CSPG4: variants seen among roughly 807,000 people sequenced by gnomAD.
The protein encoded by CSPG4 is chondroitin sulfate proteoglycan 4.
A neutral mutation model predicts 139.3 loss-of-function variants in CSPG4; 74 were observed. The observed-to-expected ratio is 0.53, with a 90% CI of 0.44 to 0.64. The LOEUF (loss-of-function observed/expected upper bound fraction) is 0.64. Among genes scored for constraint, CSPG4 ranks in the 30% least tolerant of loss-of-function variants. The pLI, the probability that CSPG4 is intolerant of heterozygous loss-of-function variation, is 0.00. For missense variants in CSPG4, 2,565 were observed against 3,148.3 expected (o/e 0.81, Z 4.43); for synonymous variants, 1,234 against 1,394.2 (o/e 0.89, Z 2.56).
chr15:75,677,259 A>G lies in CSPG4; in HGVS notation c.5260T>C (p.Phe1754Leu). 1 of 1,497,302 alleles carries G rather than the reference A, an allele frequency of 6.7e-7. No individual in the cohort carries two copies. Among genetic ancestry groups the G allele is most frequent in the Admixed American group, 2.2e-5 (1 of 45,674 alleles). The allele number at this position is 1,497,302 out of a possible 1,614,324, so 92.8% of individuals were successfully genotyped here. A position where few individuals can be genotyped will look rare whatever the true frequency, so the allele number is the denominator to read the frequency against. Residue 1754 changes from phenylalanine (F) to leucine (L), a missense_variant, in exon 10 of 10, where the codon TTC (phenylalanine) becomes CTC (leucine). Physicochemically the swap from Phe to Leu is conservative, Grantham distance 22. Transcript: ENST00000308508. ...EHDVLFQVTQ[F>L]PSRGQLLVSE... is the part of the protein sequence containing the mutation. ...ACCAACAGCTGGCCCCGGCTGGGGA[A>G]CTGTGTGACCTGGAAGAGCACATCA...
Position 75,687,718 on chromosome 15 carries a change from G to C in CSPG4, c.3347C>G (p.Ala1116Gly), listed in dbSNP as rs757696259. Residue 1116 changes from alanine (A) to glycine (G), a missense_variant, in exon 3 of 10, where the codon GCG becomes GGG. Transcript: ENST00000308508. The surrounding 1 kb of genome is among the most constrained non-coding windows in gnomAD (Gnocchi z 5.4). ...TTCCGAGGCCTGCACCTCCAGCAGCGCAGTGGCCTGGTGTTGCCCGTCGGA... is the reference window on the plus strand; with the variant it reads ...TTCCGAGGCCTGCACCTCCAGCAGCCCAGTGGCCTGGTGTTGCCCGTCGGA... ...QVSDGQHQAT[A>G]LLEVQASEPY... The C allele has an allele frequency of 1.9e-6, 3 of 1,612,866 alleles. No homozygotes were observed. In the Admixed American group the frequency reaches 5.0e-5, roughly 27 times the overall value.
intron 2 of CSPG4, among the ~76,000 whole-genome samples, chr15:75,692,866 T>C (rs1596010520): frequency 6.6e-6 from 1 of 152,038 alleles, no homozygotes; most frequent in African/African-American, 2.4e-5. Context: ...GCGGGAAACA[T>C]GGTTGGAGGG....
rs1321913179 is a variant in CSPG4 at position 75,698,816 on chromosome 15, A to C, written c.89-5583T>G. ...CCACCCACACTGAGCTATCACCTTC[A>C]CCCAACCCTGTTACTCTGAGGGTAA... On this transcript the variant is annotated intron_variant, in intron 1 of 9. Transcript: ENST00000308508. This position sits in a 1 kb window ranked among gnomAD's most constrained non-coding sequence, Gnocchi z 4.3. Among the ~76,000 whole-genome samples, 2 of 152,086 alleles carry C rather than the reference A, an allele frequency of 1.3e-5. No homozygotes were observed. The highest frequency in any genetic ancestry group is 2.4e-5 in the African/African-American group (1 of 41,436).
chr15:75,692,801 G>A (rs1596010499), intron 2 of CSPG4, among the ~76,000 whole-genome samples: 1 of 152,214 alleles, frequency 6.6e-6, no homozygotes, highest in Admixed American at 6.5e-5. Flanking sequence ...AAGATGGCCA[G>A]GAACTGAAAG....
Position 75,688,891 on chromosome 15 carries a change from C to T in CSPG4, c.2174G>A (p.Trp725Ter), listed in dbSNP as rs1160528654. Residue 725 changes from tryptophan (W) to a stop codon, truncating the protein, a stop_gained, in exon 3 of 10, where the codon TGG (tryptophan) becomes TAG (stop). Transcript: ENST00000308508. LOFTEE classifies it high-confidence loss of function. The part of the protein sequence containing the change: ...QGAGGVEGAE[W>*]WATQAFHQRD... Reference sequence around the variant, plus strand: ...CTGGTGGAACGCCTGTGTGGCCCACCACTCAGCACCCTCCACCCCACCTGC... The same window carrying T: ...CTGGTGGAACGCCTGTGTGGCCCACTACTCAGCACCCTCCACCCCACCTGC... The T allele has an allele frequency of 6.2e-7, 1 of 1,612,248 alleles. No individual in the cohort carries two copies. Among genetic ancestry groups the T allele is most frequent in the Admixed American group, 1.7e-5 (1 of 60,018 alleles).
In CSPG4 at chr15:75,675,898, G is replaced by A. The variant is rs769102680; in HGVS notation, c.6621C>T (p.Pro2207=). Residue 2207 remains proline, a synonymous_variant, in exon 10 of 10, where the codon CCC becomes CCT. Transcript: ENST00000308508. ...EPGPMASSPE[P]AVAKGGFLSF... ...TCAGGAAGCCTCCCTTGGCCACAGC[G>A]GGCTCAGGGCTGGATGCCATGGGGC... 6.9e-6 allele frequency: 11 copies of A among 1,603,500 alleles called. No individual in the cohort carries two copies. The highest frequency in any genetic ancestry group is 2.2e-5 in the East Asian group (1 of 44,892).
In CSPG4 at chr15:75,712,735, G is replaced by C. The variant is rs1894463471; in HGVS notation, c.21C>G (p.Pro7=). 6.4e-7 allele frequency: 1 copy of C among 1,556,596 alleles called. No homozygotes were observed. Among genetic ancestry groups the C allele is most frequent in the Non-Finnish European group, 8.7e-7 (1 of 1,150,824 alleles). ...AGGCCAGGCCGGGGGCTGGAAGTGG[G>C]GGCCGCGGCCCGGACTGCATCCCGG... MQSGPR[P]PLPAPGLALA... is the part of the protein sequence containing the mutation. Residue 7 remains proline, a synonymous_variant, in exon 1 of 10, where the codon CCC becomes CCG. Transcript: ENST00000308508.
rs763174928 is a variant in CSPG4, at chr15:75,685,304, T to C, written c.4187A>G (p.Gln1396Arg). 6.3e-7 allele frequency: 1 copy of C among 1,591,798 alleles called. No individual in the cohort carries two copies. Among genetic ancestry groups the C allele is most frequent in the South Asian group, 1.1e-5 (1 of 88,950 alleles). Residue 1396 changes from glutamine to arginine, a missense_variant, in exon 4 of 10, where the codon CAG (glutamine) becomes CGG (arginine). By Grantham distance (43) the Gln-to-Arg change is conservative (BLOSUM62 1). This residue lies in a region of CSPG4 where 2,316 missense variants were observed against 2,818.2 expected (regional missense o/e 0.82). Coordinates refer to ENST00000308508, the MANE Select transcript of CSPG4 (RefSeq NM_001897.5). ...YFPTLLGLSL[Q>R]VLEPPQHGAL... is the part of the protein sequence containing the mutation. Reference sequence around the variant, plus strand: ...TCCATGCTGGGGTGGCTCCAGCACCTGCAGGCTGAGGCCCAGGAGAGTGGG... The same window carrying C: ...TCCATGCTGGGGTGGCTCCAGCACCCGCAGGCTGAGGCCCAGGAGAGTGGG...
rs766418954 is a variant in CSPG4, at chr15:75,690,463, T to C, written c.602A>G (p.Asp201Gly). The C allele has an allele frequency of 7.5e-6, 12 of 1,607,190 alleles. No individual in the cohort carries two copies. The highest frequency in any genetic ancestry group is 1.3e-5 in the African/African-American group (1 of 74,876). The change falls in exon 3 of 10, where the codon GAT (aspartate) becomes GGT (glycine). Residue 201 changes from aspartate to glycine, a missense_variant. Transcript: ENST00000308508. ...GCAEEFSASD[D>G]VALGFSGPHS... ...GGGCCCAGAGAAGCCCAGGGCCACA[T>C]CATCACTGGCAGAAAACTCTTCAGC...
chr15:75,688,810 G>T lies in CSPG4; in HGVS notation c.2255C>A (p.Ala752Asp), dbSNP rs372515114. ...RYLSTDPQHH[A>D]YDTVENLALE... ...GGCCAGGTTCTCCACGGTGTCGTAA[G>T]CGTGGTGCTGTGGGTCAGTGCTCAG... Residue 752 changes from alanine to aspartate, a missense_variant, in exon 3 of 10, where the codon GCT (alanine) becomes GAT (aspartate). Coordinates refer to ENST00000308508, the MANE Select transcript of CSPG4 (RefSeq NM_001897.5). 2 of 1,612,916 alleles carry T rather than the reference G, an allele frequency of 1.2e-6. No homozygotes were observed. Among genetic ancestry groups the T allele is most frequent in the Non-Finnish European group, 1.7e-6 (2 of 1,179,936 alleles).
chr15:75,682,150 C>A (rs1893982062), intron 8 of CSPG4, 143 bp downstream of exon 8: 1 of 1,090,662 alleles, frequency 9.2e-7, no homozygotes, highest in Non-Finnish European at 1.4e-6. Flanking sequence ...GGACAGGACA[C>A]TAGCGCCTGG....
rs1238739548 is a variant in CSPG4, at chr15:75,689,469, T to G, written c.1596A>C (p.Ser532=). 2 of 1,612,604 alleles carry G rather than the reference T, an allele frequency of 1.2e-6. No individual in the cohort carries two copies. Among genetic ancestry groups the G allele is most frequent in the South Asian group, 2.2e-5 (2 of 91,070 alleles). ...GGTATGTTTGGCCCCTCCGAAGGCA[T>G]GAGGGCATGGGCACCCGAGCCGTCA... ...VSVTARVPMP[S]CLRRGQTYLL... is the part of the protein sequence containing the mutation. Residue 532 remains serine (S), a synonymous_variant, in exon 3 of 10, where the codon TCA becomes TCC. Transcript: ENST00000308508.
intron 3 of CSPG4, among the ~76,000 whole-genome samples, 176 bp from the exon 4 acceptor site, chr15:75,685,877 C>T (rs1894051175): frequency 1.3e-5 from 2 of 152,176 alleles, no homozygotes; most frequent in African/African-American, 4.8e-5. Flanking sequence ...AGCAGCCAGA[C>T]ATGCAGCTGG....
chr15:75,681,133 G>T (rs1893968681), intron 8 of CSPG4, among the ~76,000 whole-genome samples: 1 of 152,218 alleles, frequency 6.6e-6, no homozygotes, highest in African/African-American at 2.4e-5. Flanking sequence ...TCATTGTGGG[G>T]AGGGGGCCAT....
Position 75,689,074 on chromosome 15 carries a change from T to G in CSPG4, c.1991A>C (p.Gln664Pro). Residue 664 changes from glutamine (Q) to proline (P), a missense_variant, in exon 3 of 10, where the codon CAG becomes CCG. Physicochemically the swap from Gln to Pro is moderately conservative, Grantham distance 76 (BLOSUM62 -1). Coordinates refer to ENST00000308508, the MANE Select transcript of CSPG4 (RefSeq NM_001897.5). ...LKVVAIRPAI[Q>P]IHRSTGLRLA... is the part of the protein sequence containing the mutation. ...TCGCAACCCTGTGCTGCGGTGGATCTGTATGGCCGGCCGGATGGCCACCAC... is the reference window on the plus strand; with the variant it reads ...TCGCAACCCTGTGCTGCGGTGGATCGGTATGGCCGGCCGGATGGCCACCAC... The G allele has an allele frequency of 6.2e-7, 1 of 1,608,150 alleles. No homozygotes were observed. Among genetic ancestry groups the G allele is most frequent in the Non-Finnish European group, 8.5e-7 (1 of 1,177,660 alleles).
At chr15:75,713,038 C>T (rs1244158599), upstream of CSPG4, among the ~76,000 whole-genome samples, 3 of 152,324 alleles carry the variant, frequency 2.0e-5, no homozygotes, top group African/African-American at 4.8e-5. Context: ...AGACCCCAGC[C>T]CCACCCTAAA....
Position 75,689,706 on chromosome 15 carries a change from C to T in CSPG4, c.1359G>A (p.Gln453=). ...GTAWLEWRHV[Q]PTLDLMEAEL... ...CAGCCTCCATCAGGTCCAGCGTGGG[C>T]TGCACATGCCTCCACTCAAGCCAGG... Residue 453 remains glutamine, a synonymous_variant, in exon 3 of 10, where the codon CAG becomes CAA. Coordinates refer to ENST00000308508, the MANE Select transcript of CSPG4 (RefSeq NM_001897.5). 1 of 1,612,876 alleles carries T rather than the reference C, an allele frequency of 6.2e-7. No homozygotes were observed. Among genetic ancestry groups the T allele is most frequent in the African/African-American group, 1.3e-5 (1 of 75,074 alleles).
At position 75,679,838 on chromosome 15, in the gene CSPG4, AC is replaced by A. The variant is rs987062986; in HGVS notation, c.4951-1953del. ...GTAGCTGGGACTATAAATGCGTGCC[AC>A]CACGCCCAGCTCATTTTTTGTATTT... On this transcript the variant is annotated intron_variant, in intron 8 of 9. Transcript: ENST00000308508. 8.5e-5 allele frequency: 13 copies of A among 152,158 alleles called. 1 individual carries two copies. The highest frequency in any genetic ancestry group is 3.1e-4 in the African/African-American group (13 of 41,412). 9.4% of individuals were successfully genotyped at this position (152,158 alleles called of 1,614,324 possible).
rs762248801 is a variant in CSPG4, at chr15:75,685,410, C to T, written c.4081G>A (p.Glu1361Lys). 3 of 1,611,908 alleles carry T rather than the reference C, an allele frequency of 1.9e-6. No homozygotes were observed. In the Admixed American group the frequency reaches 5.0e-5, roughly 27 times the overall value. The change falls in exon 4 of 10, where the codon GAG becomes AAG. Residue 1361 changes from glutamate (E) to lysine (K), a missense_variant. Glu to Lys is a moderately conservative substitution (Grantham distance 56). Transcript: ENST00000308508. Reference protein sequence around the residue: ...LEVLPAAIPLEAQNFSVPEGG... With the variant: ...LEVLPAAIPLKAQNFSVPEGG... ...TCAGGGACGCTGAAGTTTTGCGCCT[C>T]TAGTGGGATGGCAGCGGGCAGCACC...
Sources: allele counts gnomAD v4.1 joint callset (sites outside exome capture counted in the v4.1 genomes callset), GRCh38; gene constraint gnomAD v4.1.1; regional missense constraint gnomAD v4.1.1; non-coding constraint Gnocchi (gnomAD v3.1); transcripts MANE v1.5; gene names NCBI Gene and HGNC (gene_info 2026-07-23, HGNC 2026-07-21).